The following SPMIP2 variants were observed in gnomAD, a reference collection of about 807,000 sequenced individuals.
SPMIP2 encodes sperm microtubule inner protein 2, also known as protein SPMIP2.
At chr4:158,931,634 C>A in the SPMIP2 span, among the ~76,000 whole-genome samples, 1 of 152,156 alleles carries the variant, frequency 6.6e-6, no homozygotes, top group Admixed American at 6.5e-5. Context: ...GTGGTACAAT[C>A]TCACCACAAC....
At chr4:158,964,933 A>G in the SPMIP2 span, among the ~76,000 whole-genome samples, 1 of 151,932 alleles carries the variant, frequency 6.6e-6, no homozygotes, top group East Asian at 1.9e-4. Context: ...CAATCCAACT[A>G]CCTCCCACCA....
chr4:159,082,192 G>C, the SPMIP2 span, among the ~76,000 whole-genome samples: 1 of 151,056 alleles, frequency 6.6e-6, no homozygotes, highest in Non-Finnish European at 1.5e-5. Flanking sequence ...AATTAGGTGG[G>C]CGTGGTGGCA....
chr4:158,984,863 C>A, the SPMIP2 span, among the ~76,000 whole-genome samples: 1 of 150,966 alleles, frequency 6.6e-6, no homozygotes, highest in African/African-American at 2.4e-5. Flanking sequence ...TTGAAAGGAT[C>A]AACAAAACTG....
chr4:158,928,675 C>T, the SPMIP2 span, among the ~76,000 whole-genome samples: 1 of 152,152 alleles, frequency 6.6e-6, no homozygotes, highest in African/African-American at 2.4e-5. Flanking sequence ...GGGTACCCTT[C>T]CACACAGTGG....
chr4:159,061,959 A>G, the SPMIP2 span, among the ~76,000 whole-genome samples: 1 of 152,206 alleles, frequency 6.6e-6, no homozygotes, highest in African/African-American at 2.4e-5. Context: ...GCAGCCATCC[A>G]TAGTGATGGT....
the SPMIP2 span, among the ~76,000 whole-genome samples, chr4:158,894,612 G>A: frequency 6.6e-6 from 1 of 152,086 alleles, no homozygotes; most frequent in African/African-American, 2.4e-5. Context: ...AGGGTTCAAT[G>A]TAATATGAAT....
At chr4:159,011,898 A>G in the SPMIP2 span, among the ~76,000 whole-genome samples, 1 of 151,486 alleles carries the variant, frequency 6.6e-6, no homozygotes, top group East Asian at 1.9e-4. Flanking sequence ...CGTCTCTACT[A>G]AAAAAAATAC....
chr4:159,065,826 T>C, the SPMIP2 span, among the ~76,000 whole-genome samples: 6 of 152,012 alleles, frequency 3.9e-5, no homozygotes, highest in Non-Finnish European at 8.8e-5. Flanking sequence ...ATTCCAAGAG[T>C]CATTGAGATT....
chr4:158,934,356 G>A, the SPMIP2 span, among the ~76,000 whole-genome samples: 2 of 152,138 alleles, frequency 1.3e-5, no homozygotes, highest in Non-Finnish European at 2.9e-5. Flanking sequence ...CAGCTACTCG[G>A]GAGGCTGAGG....
the SPMIP2 span, among the ~76,000 whole-genome samples, chr4:158,966,428 T>C: frequency 6.6e-6 from 1 of 152,252 alleles, no homozygotes; most frequent in Non-Finnish European, 1.5e-5. Flanking sequence ...TGGTATTTGA[T>C]CCACCTGTGC....
At chr4:158,985,434 C>T in the SPMIP2 span, among the ~76,000 whole-genome samples, 5 of 151,642 alleles carry the variant, frequency 3.3e-5, no homozygotes, top group Admixed American at 1.3e-4. Flanking sequence ...GCTTATCCAC[C>T]ATGATCAAGT....
the SPMIP2 span, among the ~76,000 whole-genome samples, chr4:159,066,497 A>AATGT: frequency 6.6e-6 from 1 of 151,606 alleles, no homozygotes; most frequent in African/African-American, 2.4e-5. Flanking sequence ...GAATGTGTGG[A>AATGT]ATGTATGTAT....
chr4:158,974,944 A>G, the SPMIP2 span, among the ~76,000 whole-genome samples: 1 of 152,158 alleles, frequency 6.6e-6, no homozygotes, highest in Non-Finnish European at 1.5e-5. Flanking sequence ...AAGCATTCCT[A>G]TTTCTCAACA....
the SPMIP2 span, among the ~76,000 whole-genome samples, chr4:158,921,018 C>T: frequency 6.6e-6 from 1 of 152,240 alleles, no homozygotes; most frequent in Non-Finnish European, 1.5e-5. Flanking sequence ...TACTCTTTCT[C>T]TTTATTTCTT....
chr4:158,964,276 CAG>C, the SPMIP2 span, among the ~76,000 whole-genome samples: 1 of 152,116 alleles, frequency 6.6e-6, no homozygotes. Flanking sequence ...AGCAAAGAAA[CAG>C]AAGTACAAGT....
At chr4:158,975,643 G>T in the SPMIP2 span, among the ~76,000 whole-genome samples, 5 of 152,238 alleles carry the variant, frequency 3.3e-5, no homozygotes, top group African/African-American at 1.2e-4. Context: ...CCTCTGTTCT[G>T]TACCATTGGT....
At chr4:159,034,947 G>T in the SPMIP2 span, 2 of 959,400 alleles carry the variant, frequency 2.1e-6, no homozygotes, top group Non-Finnish European at 3.2e-6. Flanking sequence ...TCATTGCATT[G>T]TTATATCCAT....
chr4:158,993,833 C>T, the SPMIP2 span, among the ~76,000 whole-genome samples: 1 of 152,300 alleles, frequency 6.6e-6, no homozygotes, highest in East Asian at 1.9e-4. Context: ...ACTCAGACAA[C>T]ATTAAACACT....
the SPMIP2 span, among the ~76,000 whole-genome samples, chr4:158,970,170 CAA>C: frequency 6.6e-6 from 1 of 152,120 alleles, no homozygotes; most frequent in African/African-American, 2.4e-5. Flanking sequence ...ATTCACGCAC[CAA>C]GTCTGATTTT....
Sources: gnomAD v4.1 joint callset for allele counts (sites outside exome capture counted in the v4.1 genomes callset) on GRCh38, gnomAD v4.1.1 for gene constraint, MANE v1.5 for transcripts, NCBI Gene and HGNC (gene_info 2026-07-23, HGNC 2026-07-21) for gene names.